Variants in SLC7A9 observed in about 807,000 individuals in gnomAD.
SLC7A9 encodes the protein B(0,+)-type amino acid transporter 1.
In SLC7A9, 38 loss-of-function variants were observed where a neutral mutation model predicts 54.1. That is an observed-to-expected ratio of 0.70 (90% CI 0.54 to 0.92). SLC7A9 has a LOEUF of 0.92. Among genes scored for constraint, SLC7A9 ranks in the 40% least tolerant of loss-of-function variants. The pLI is 0.00. For missense variants in SLC7A9, 537 were observed against 636.1 expected (o/e 0.84, Z 1.68); for synonymous variants, 264 against 258.9 (o/e 1.02, Z -0.19).
chr19:32,852,905 CTTTTTTTTTTT>C (rs56119122), intron 9 of SLC7A9, among the ~76,000 whole-genome samples: 50 of 97,588 alleles, frequency 5.1e-4, no homozygotes, highest in Non-Finnish European at 8.1e-4. Context: ...AAGCTATAAA[CTTTTTTTTTTT>C]TTTTTTTTTT....
At position 32,858,445 on chromosome 19, in the gene SLC7A9, C is replaced by T. The variant is rs61730903; in HGVS notation, c.972G>A (p.Ala324=). 0.02 allele frequency: 32,033 copies of T among 1,611,288 alleles called. 442 individuals are homozygous for T. The highest frequency in any genetic ancestry group is 0.025 in the Non-Finnish European group (29,028 of 1,178,524). ...IGAANGTCFT[A]GRLIYVAGRE... is the part of the protein sequence containing the mutation. The stretch of plus-strand genomic sequence containing the variant: ...TGACGGTGGGGGTCCCCTACCTGCC[C>T]GCTGTGAAGCAGGTCCCGTTAGCAG... Residue 324 remains alanine (A), a synonymous_variant, in exon 9 of 13, where the codon GCG becomes GCA. Coordinates refer to ENST00000023064, the MANE Select transcript of SLC7A9 (RefSeq NM_014270.5).
At chr19:32,866,568 GCGT>G (rs1477322693) in intron 2 of SLC7A9, among the ~76,000 whole-genome samples, 1 of 152,196 alleles carries the variant, frequency 6.6e-6, no homozygotes, top group Admixed American at 6.5e-5. Context: ...AAGGTTACAG[GCGT>G]GTGCCGCCAC....
At chr19:32,855,535 T>TA (rs1555784071) in intron 9 of SLC7A9, among the ~76,000 whole-genome samples, 1 of 151,798 alleles carries the variant, frequency 6.6e-6, no homozygotes, top group Non-Finnish European at 1.5e-5. Flanking sequence ...CCATCTCTAC[T>TA]AAAAATACAA....
At position 32,835,889 on chromosome 19, in the gene SLC7A9, C is replaced by CTG. The variant is rs1212868987; in HGVS notation, c.1225-2568_1225-2567dup. On this transcript the variant is annotated intron_variant, in intron 11 of 12. Transcript: ENST00000023064. The stretch of plus-strand genomic sequence containing the variant: ...ACTGCTATTTCTAGGAATTTATGTA[C>CTG]TGTGTGTGTGTGTGTGTGTGTATGT... 4.7e-3 allele frequency among the ~76,000 whole-genome samples: 663 copies of CTG among 140,836 alleles called. 5 individuals are homozygous for CTG. The highest frequency in any genetic ancestry group is 0.011 in the African/African-American group (413 of 37,608). 92.4% of individuals were successfully genotyped at this position (140,836 alleles called of 152,430 possible). A position where few individuals can be genotyped will look rare whatever the true frequency, so the allele number is the denominator to read the frequency against.
intron 12 of SLC7A9, among the ~76,000 whole-genome samples, chr19:32,832,595 AAAAAAAAAAG>A (rs1310026704): frequency 6.7e-6 from 1 of 148,246 alleles, no homozygotes. Flanking sequence ...CTCAAAAAAA[AAAAAAAAAAG>A]AAAGAAAGAA....
At chr19:32,830,995 T>C (rs1316095886) in intron 12 of SLC7A9, among the ~76,000 whole-genome samples, 1 of 152,056 alleles carries the variant, frequency 6.6e-6, no homozygotes, top group African/African-American at 2.4e-5. Context: ...ACTTAATAAA[T>C]CTTAACTGGC....
rs766529640 is a variant in SLC7A9 at position 32,860,606 on chromosome 19, C to T, written c.749G>A (p.Arg250Lys). Reference sequence around the variant, plus strand: ...TCCTCTGCACTGATTCAGCTGTTACCTGTAAGGGTTTCTAAGTTCTTCTGT... The same window carrying T: ...TCCTCTGCACTGATTCAGCTGTTACTTGTAAGGGTTTCTAAGTTCTTCTGT... Reference protein sequence around the residue: ...YITEELRNPYRNLPLAIIIGI... With the variant: ...YITEELRNPYKNLPLAIIIGI... The change falls in exon 7 of 13, where the codon AGA becomes AAA. Residue 250 changes from arginine to lysine, a missense_variant and splice_region_variant. By Grantham distance (26) the Arg-to-Lys change is conservative. Transcript: ENST00000023064. The T allele has an allele frequency of 7.4e-6, 12 of 1,614,164 alleles. No individual in the cohort carries two copies. The highest frequency in any genetic ancestry group is 1.0e-5 in the Non-Finnish European group (12 of 1,180,030).
intron 8 of SLC7A9, among the ~76,000 whole-genome samples, 173 bp from the exon 9 acceptor site, chr19:32,858,716 A>G (rs1424276668): frequency 6.6e-6 from 1 of 152,134 alleles, no homozygotes; most frequent in Non-Finnish European, 1.5e-5. Flanking sequence ...GCCTATCTCC[A>G]GATATTGTGA....
At chr19:32,862,272 T>C (rs1267947766) in intron 5 of SLC7A9, 55 bp from the exon 6 acceptor site, 1 of 1,477,974 alleles carries the variant, frequency 6.8e-7, no homozygotes, top group Non-Finnish European at 9.5e-7. Context: ...ATCTTGAGTG[T>C]ATCTCCACGG....
intron 9 of SLC7A9, among the ~76,000 whole-genome samples, chr19:32,847,412 G>C (rs1056805256): frequency 1.3e-5 from 2 of 152,144 alleles, no homozygotes; most frequent in African/African-American, 2.4e-5. Context: ...GAGCCGATGC[G>C]ATCAACTGGA....
At chr19:32,854,010 AT>A (rs552766727) in intron 9 of SLC7A9, among the ~76,000 whole-genome samples, 1,779 of 142,808 alleles carry the variant, frequency 0.012, 27 homozygotes, top group African/African-American at 0.034. Flanking sequence ...AAGACTCAGT[AT>A]TTTTTTTTTT....
At chr19:32,857,604 A>G (rs1291484959) in intron 9 of SLC7A9, among the ~76,000 whole-genome samples, 1 of 152,218 alleles carries the variant, frequency 6.6e-6, no homozygotes, top group Non-Finnish European at 1.5e-5. Context: ...ATTTTTTAAC[A>G]TACACAGACT....
chr19:32,861,794 G>A (rs544344994), intron 6 of SLC7A9, among the ~76,000 whole-genome samples: 2 of 152,226 alleles, frequency 1.3e-5, no homozygotes, highest in African/African-American at 4.8e-5. Context: ...CAGCCTGGGT[G>A]ACCAAGTGAG....
At chr19:32,864,397 G>T (rs1599687810) in intron 3 of SLC7A9, 59 bp from the exon 4 acceptor site, 1 of 1,608,482 alleles carries the variant, frequency 6.2e-7, no homozygotes, top group East Asian at 2.2e-5. Flanking sequence ...CCGGCCCCAG[G>T]GAGCCTTCCT....
At chr19:32,841,921 C>T (rs1351899927) in intron 11 of SLC7A9, among the ~76,000 whole-genome samples, 2 of 152,038 alleles carry the variant, frequency 1.3e-5, no homozygotes, top group East Asian at 3.9e-4. Context: ...CAAATGAGAG[C>T]CAGGTGGACC....
chr19:32,837,677 A>G (rs9676558), intron 11 of SLC7A9, among the ~76,000 whole-genome samples: 22,449 of 152,078 alleles, frequency 0.15, 1,738 homozygotes, highest in East Asian at 0.27. Flanking sequence ...ATGCAATAAC[A>G]TGGTCTCGCA....
At position 32,862,555 on chromosome 19, in the gene SLC7A9, C is replaced by T. The variant is rs1413007971; in HGVS notation, c.510G>A (p.Val170=). 14 of 1,613,896 alleles carry T rather than the reference C, an allele frequency of 8.7e-6. No homozygotes were observed. Among genetic ancestry groups the T allele is most frequent in the Admixed American group, 1.7e-5 (1 of 60,002 alleles). ...TGTTCTGGACGTAGCTTCCCAGCCG[C>T]ACGCTCAGTGAGTTCACTGTCGAGA... ...LFISTVNSLS[V]RLGSYVQNIF... Residue 170 remains valine, a synonymous_variant, in exon 5 of 13, where the codon GTG becomes GTA. Transcript: ENST00000023064.
intron 11 of SLC7A9, among the ~76,000 whole-genome samples, chr19:32,834,130 G>A (rs1001715692): frequency 2.6e-5 from 4 of 152,140 alleles, no homozygotes; most frequent in Non-Finnish European, 4.4e-5. Context: ...TTGTTCAGAA[G>A]GTCCTGTGCG....
Position 32,862,206 on chromosome 19 carries a change from T to A in SLC7A9, c.616A>T (p.Asn206Tyr). The change falls in exon 6 of 13, where the codon AAT becomes TAT. Residue 206 changes from asparagine to tyrosine, a missense_variant. By Grantham distance (143) the Asn-to-Tyr change is moderately radical. Transcript: ENST00000023064. ...GCGCCCTCGAAAGAATTATCAAAATTCTTTGTGTTTCCTGTAATGAAGCCA... is the reference window on the plus strand; with the variant it reads ...GCGCCCTCGAAAGAATTATCAAAATACTTTGTGTTTCCTGTAATGAAGCCA... Reference protein sequence around the residue: ...LVLLAQGNTKNFDNSFEGAQL... With the variant: ...LVLLAQGNTKYFDNSFEGAQL... 6.2e-7 allele frequency: 1 copy of A among 1,613,702 alleles called. No individual in the cohort carries two copies. Among genetic ancestry groups the A allele is most frequent in the South Asian group, 1.1e-5 (1 of 91,068 alleles).
Sources: allele counts gnomAD v4.1 joint callset (sites outside exome capture counted in the v4.1 genomes callset), GRCh38; gene constraint gnomAD v4.1.1; transcripts MANE v1.5; gene names NCBI Gene and HGNC (gene_info 2026-07-23, HGNC 2026-07-21).